FANCC: variants seen among roughly 807,000 people sequenced by gnomAD.
FANCC encodes the protein FA complementation group C.
A neutral mutation model predicts 71.3 loss-of-function variants in FANCC; 55 were observed. That is an observed-to-expected ratio of 0.77 (90% confidence interval 0.62 to 0.97). The LOEUF (loss-of-function observed/expected upper bound fraction) is 0.97, where lower values mean the gene tolerates loss of function less well. Among genes scored for constraint, FANCC ranks in the 50% least tolerant of loss-of-function variants. The pLI is 0.00. For synonymous variants in FANCC, 275 were observed against 244.9 expected, an observed-to-expected ratio of 1.12 and a Z score of -1.15; for missense variants, 678 against 670.9, an observed-to-expected ratio of 1.01 and a Z score of -0.12.
chr9:95,107,985 G>A (rs915760829), intron 13 of FANCC, among the ~76,000 whole-genome samples: 4 of 152,166 alleles, frequency 2.6e-5, no homozygotes, highest in Admixed American at 6.5e-5. Context: ...ACACCCAGTC[G>A]TGACTTGGAA....
intron 10 of FANCC, among the ~76,000 whole-genome samples, chr9:95,124,764 A>T (rs1588098875): frequency 6.6e-6 from 1 of 152,208 alleles, no homozygotes; most frequent in East Asian, 1.9e-4. Context: ...AGATGCAGCC[A>T]GGGGGCAGTG....
At chr9:95,300,423 GA>G (rs1226368442) in intron 1 of FANCC, among the ~76,000 whole-genome samples, 1 of 147,694 alleles carries the variant, frequency 6.8e-6, no homozygotes, top group Non-Finnish European at 1.5e-5. Context: ...TGATAACCAA[GA>G]AAAAGAAGTC....
intron 7 of FANCC, among the ~76,000 whole-genome samples, chr9:95,139,852 A>G (rs1368549176): frequency 6.8e-6 from 1 of 147,058 alleles, no homozygotes; most frequent in Non-Finnish European, 1.5e-5. Context: ...ATATATATAT[A>G]AATATATATA....
At chr9:95,270,375 T>A (rs1036987018) in intron 1 of FANCC, among the ~76,000 whole-genome samples, 2 of 152,088 alleles carry the variant, frequency 1.3e-5, no homozygotes, top group African/African-American at 2.4e-5. Context: ...CGGCAAGCAC[T>A]CCAGAGATCA....
intron 4 of FANCC, among the ~76,000 whole-genome samples, chr9:95,186,841 G>C (rs1826757906): frequency 6.6e-6 from 1 of 150,558 alleles, no homozygotes; most frequent in South Asian, 2.1e-4. Context: ...GCCCAGGCTG[G>C]AGTGCAGTGG....
chr9:95,129,186 C>T (rs1445579805), intron 8 of FANCC, among the ~76,000 whole-genome samples: 2 of 152,174 alleles, frequency 1.3e-5, no homozygotes, highest in African/African-American at 4.8e-5. Flanking sequence ...CAGCTGTGAA[C>T]TGCTCCTTCT....
At chr9:95,160,656 A>G (rs1301354960) in intron 6 of FANCC, among the ~76,000 whole-genome samples, 1 of 152,192 alleles carries the variant, frequency 6.6e-6, no homozygotes, top group African/African-American at 2.4e-5. Context: ...CTTCCTATCC[A>G]TGAGCATGGA....
chr9:95,260,233 G>A (rs926722771), intron 1 of FANCC, among the ~76,000 whole-genome samples: 4 of 152,154 alleles, frequency 2.6e-5, no homozygotes, highest in African/African-American at 9.7e-5. Context: ...AAAGACACAT[G>A]CACACATGTA....
At chr9:95,246,362 A>G (rs899131468) in intron 3 of FANCC, among the ~76,000 whole-genome samples, 6 of 152,214 alleles carry the variant, frequency 3.9e-5, no homozygotes, top group African/African-American at 1.4e-4. Flanking sequence ...TGCCTAGTTC[A>G]CGTCTCTTCC....
chr9:95,200,730 A>C (rs1489755818), intron 4 of FANCC, among the ~76,000 whole-genome samples: 1 of 152,236 alleles, frequency 6.6e-6, no homozygotes, highest in Non-Finnish European at 1.5e-5. Context: ...AATCTAAAGT[A>C]TTAATGTAAT....
chr9:95,292,403 C>T (rs1834090647), intron 1 of FANCC: 2 of 1,058,154 alleles, frequency 1.9e-6, no homozygotes, highest in Admixed American at 5.6e-5. Context: ...CCCGCGCCGT[C>T]CCGGCGGCCA....
chr9:95,215,489 A>G (rs1828807524), intron 4 of FANCC, among the ~76,000 whole-genome samples: 1 of 152,164 alleles, frequency 6.6e-6, no homozygotes, highest in Non-Finnish European at 1.5e-5. Context: ...GGCAGTTTTG[A>G]AGTCTGGTGT....
intron 1 of FANCC, among the ~76,000 whole-genome samples, chr9:95,303,037 G>A (rs1014497111): frequency 1.3e-5 from 2 of 151,028 alleles, no homozygotes; most frequent in African/African-American, 5.0e-5. Flanking sequence ...AGAAAAAAAA[G>A]AGAGAGGGAG....
In FANCC at chr9:95,204,085, C is replaced by T. The variant is rs79164809; in HGVS notation, c.346-31938G>A. Among the ~76,000 whole-genome samples the T allele has an allele frequency of 3.3e-3, 504 of 152,158 alleles. 9 individuals carry two copies. In the East Asian group the frequency reaches 0.043, roughly 13 times the overall value. On this transcript the variant is annotated intron_variant, in intron 4 of 14. Coordinates refer to ENST00000289081, the MANE Select transcript of FANCC (RefSeq NM_000136.3). ...CCCCAGGAGCAAAGAAGCACTGTGT[C>T]CAATAATAAGACACGGTTAGTATAT...
intron 4 of FANCC, among the ~76,000 whole-genome samples, chr9:95,228,271 T>C (rs527948721): frequency 2.2e-4 from 33 of 152,264 alleles, no homozygotes; most frequent in Non-Finnish European, 3.5e-4. Flanking sequence ...CGCAGCACTA[T>C]TGCCTCACAC....
chr9:95,123,592 G>A (rs780402286), intron 10 of FANCC: 23 of 587,156 alleles, frequency 3.9e-5, no homozygotes, highest in Admixed American at 3.4e-4. Flanking sequence ...TTTGCGACAC[G>A]AACTGTGCCC....
At chr9:95,140,020 G>A (rs1828398692) in intron 7 of FANCC, among the ~76,000 whole-genome samples, 1 of 151,696 alleles carries the variant, frequency 6.6e-6, no homozygotes, top group South Asian at 2.1e-4. Context: ...CATCCTGCCT[G>A]GAATTGACCA....
chr9:95,124,030 G>C (rs879559), intron 10 of FANCC, among the ~76,000 whole-genome samples: 1 of 149,368 alleles, frequency 6.7e-6, no homozygotes, highest in Non-Finnish European at 1.5e-5. Flanking sequence ...CCTGAGCTTG[G>C]GGGGTTGAGA....
intron 13 of FANCC, 81 bp downstream of exon 13, chr9:95,111,382 C>T (rs181021015): frequency 2.5e-6 from 4 of 1,597,262 alleles, no homozygotes; most frequent in Non-Finnish European, 3.4e-6. Context: ...AAGCCAAGCC[C>T]ACAACAGAGC....
Sources: allele counts gnomAD v4.1 joint callset (sites outside exome capture counted in the v4.1 genomes callset), GRCh38; gene constraint gnomAD v4.1.1; transcripts MANE v1.5; gene names NCBI Gene and HGNC (gene_info 2026-07-23, HGNC 2026-07-21).